Variants in PDGFD observed in about 807,000 individuals in gnomAD.
PDGFD encodes platelet-derived growth factor D.
A neutral mutation model predicts 44.7 loss-of-function variants in PDGFD; 30 were observed. The observed-to-expected ratio is 0.67, with a 90% CI of 0.50 to 0.91. The LOEUF (loss-of-function observed/expected upper bound fraction) is 0.91. PDGFD is among the 40% of genes least tolerant of loss of function. The pLI is 0.00. For missense variants in PDGFD, 445 were observed against 457.8 expected (o/e 0.97, Z 0.25); for synonymous variants, 173 against 168.4 (o/e 1.03, Z -0.21).
chr11:104,138,609 T>C (rs1242579572), intron 1 of PDGFD, among the ~76,000 whole-genome samples: 1 of 152,220 alleles, frequency 6.6e-6, no homozygotes, highest in Non-Finnish European at 1.5e-5. Context: ...TGCAGGTGTC[T>C]GCATTTTAAC....
At chr11:103,986,003 G>A (rs181558937) in intron 3 of PDGFD, among the ~76,000 whole-genome samples, 3 of 152,144 alleles carry the variant, frequency 2.0e-5, no homozygotes, top group African/African-American at 7.2e-5. Flanking sequence ...TTAATGTTTT[G>A]CCTGTCTGGC....
chr11:103,935,208 G>A (rs1337740481), intron 5 of PDGFD, among the ~76,000 whole-genome samples: 2 of 152,142 alleles, frequency 1.3e-5, no homozygotes, highest in African/African-American at 2.4e-5. Context: ...TAATGAGGGT[G>A]GGGTTAGGAT....
At chr11:103,971,615 A>G (rs937063140) in intron 3 of PDGFD, among the ~76,000 whole-genome samples, 1 of 152,230 alleles carries the variant, frequency 6.6e-6, no homozygotes, top group Non-Finnish European at 1.5e-5. Flanking sequence ...TGTGGTATAT[A>G]TACTTACATC....
chr11:103,924,889 G>A (rs548060302), intron 6 of PDGFD, among the ~76,000 whole-genome samples: 14 of 152,076 alleles, frequency 9.2e-5, no homozygotes, highest in Non-Finnish European at 1.6e-4. Context: ...AGGTATACAC[G>A]TGCCATGGTG....
intron 1 of PDGFD, among the ~76,000 whole-genome samples, chr11:104,054,296 T>A (rs1860588932): frequency 6.6e-6 from 1 of 152,222 alleles, no homozygotes; most frequent in Admixed American, 6.5e-5. Flanking sequence ...AATGTCCTCA[T>A]CCAGACACAC....
At chr11:104,023,183 A>G (rs1859990453) in intron 1 of PDGFD, among the ~76,000 whole-genome samples, 1 of 152,162 alleles carries the variant, frequency 6.6e-6, no homozygotes, top group African/African-American at 2.4e-5. Flanking sequence ...AAAAACATAT[A>G]ATTAAATAAC....
intron 1 of PDGFD, among the ~76,000 whole-genome samples, chr11:104,058,558 C>G (rs999688558): frequency 6.6e-6 from 1 of 152,164 alleles, no homozygotes; most frequent in Non-Finnish European, 1.5e-5. Context: ...GATGGGAATG[C>G]ACAAAGGATC....
chr11:104,135,523 G>C (rs1861991557), intron 1 of PDGFD, among the ~76,000 whole-genome samples: 1 of 152,188 alleles, frequency 6.6e-6, no homozygotes, highest in South Asian at 2.1e-4. Flanking sequence ...TTTGTGGAAA[G>C]ACTGGGTGAA....
intron 1 of PDGFD, among the ~76,000 whole-genome samples, chr11:104,006,540 G>A (rs1859703785): frequency 6.6e-6 from 1 of 152,184 alleles, no homozygotes; most frequent in African/African-American, 2.4e-5. Context: ...AATGGGAACA[G>A]GCATTCCTGT....
chr11:104,157,756 G>A (rs951302028), intron 1 of PDGFD, among the ~76,000 whole-genome samples: 2 of 152,264 alleles, frequency 1.3e-5, no homozygotes, highest in East Asian at 3.9e-4. Flanking sequence ...ACAATGTATT[G>A]TCTTCTTGAA....
chr11:104,083,791 T>C (rs778249841), intron 1 of PDGFD, among the ~76,000 whole-genome samples: 3 of 152,206 alleles, frequency 2.0e-5, no homozygotes, highest in African/African-American at 4.8e-5. Context: ...CACTGGCAAG[T>C]CGGTGCATCC....
At chr11:104,160,643 A>G (rs533749489) in intron 1 of PDGFD, among the ~76,000 whole-genome samples, 2 of 152,326 alleles carry the variant, frequency 1.3e-5, no homozygotes, top group Admixed American at 6.5e-5. Context: ...TAAACATTCT[A>G]TTAAGTACTG....
intron 1 of PDGFD, among the ~76,000 whole-genome samples, chr11:104,153,617 GAACAAA>G (rs1862271188): frequency 6.6e-6 from 1 of 151,914 alleles, no homozygotes; most frequent in African/African-American, 2.4e-5. Context: ...GTGTCTGGAA[GAACAAA>G]AACAAAAAGG....
chr11:104,019,203 T>C lies in PDGFD; in HGVS notation c.125-18948A>G, dbSNP rs183602648. Among the ~76,000 whole-genome samples the C allele has an allele frequency of 2.1e-3, 324 of 152,330 alleles. 4 individuals carry two copies. The highest frequency in any genetic ancestry group is 2.1e-3 in the East Asian group (11 of 5,188). Reference sequence around the variant, plus strand: ...GAGCTTTGAAAGGCTAAGGATTATATTTATCTTGTTCAATACTGTATGTCC... The same window carrying C: ...GAGCTTTGAAAGGCTAAGGATTATACTTATCTTGTTCAATACTGTATGTCC... On this transcript the variant is annotated intron_variant, in intron 1 of 6. Transcript: ENST00000393158.
intron 3 of PDGFD, among the ~76,000 whole-genome samples, chr11:103,993,285 C>A (rs1859487147): frequency 6.6e-6 from 1 of 151,916 alleles, no homozygotes. Flanking sequence ...CTATGTTGCC[C>A]AGGCTGGACT....
At position 104,120,640 on chromosome 11, in the gene PDGFD, A is replaced by G. The variant is rs145372450; in HGVS notation, c.124+43164T>C. 1.9e-4 allele frequency among the ~76,000 whole-genome samples: 29 copies of G among 151,994 alleles called. No individual in the cohort carries two copies. The East Asian group carries it at 5.4e-3, about 28-fold the overall frequency. Reference sequence around the variant, plus strand: ...AGAATTTGATGGTATTCTTCTCTCCATATGGCACAATATCTTCCCATTCTG... The same window carrying G: ...AGAATTTGATGGTATTCTTCTCTCCGTATGGCACAATATCTTCCCATTCTG... On this transcript the variant is annotated intron_variant, in intron 1 of 6. Transcript: ENST00000393158.
intron 3 of PDGFD, among the ~76,000 whole-genome samples, chr11:103,963,797 A>G (rs1160389283): frequency 6.6e-6 from 1 of 152,114 alleles, no homozygotes; most frequent in African/African-American, 2.4e-5. Context: ...GATAAAAACA[A>G]TCTATGCATA....
At chr11:104,025,459 G>A (rs766858694) in intron 1 of PDGFD, among the ~76,000 whole-genome samples, 11 of 152,124 alleles carry the variant, frequency 7.2e-5, no homozygotes, top group South Asian at 4.2e-4. Flanking sequence ...ACCCTCCCAC[G>A]CCTGCCAAAT....
chr11:104,119,643 A>G (rs1475460484), intron 1 of PDGFD, among the ~76,000 whole-genome samples: 3 of 18,428 alleles, frequency 1.6e-4, no homozygotes, highest in Non-Finnish European at 3.6e-4. Context: ...TATATAATAT[A>G]TTAATAGATA....
Sources: allele counts gnomAD v4.1 joint callset (sites outside exome capture counted in the v4.1 genomes callset), GRCh38; gene constraint gnomAD v4.1.1; transcripts MANE v1.5; gene names NCBI Gene and HGNC (gene_info 2026-07-23, HGNC 2026-07-21).